Variants in STK32B observed in about 807,000 individuals in gnomAD.
The protein encoded by STK32B is serine/threonine-protein kinase 32B.
A neutral mutation model predicts 52.6 loss-of-function variants in STK32B; 43 were observed. The ratio of observed to expected loss-of-function variants is 0.82; its 90% CI spans 0.64 to 1.05. STK32B has a LOEUF of 1.05. Among genes scored for constraint, STK32B ranks in the 50% least tolerant of loss-of-function variants. The probability of loss-of-function intolerance (pLI) is 0.00; values close to 1 mark genes in which losing one functional copy is unlikely to be tolerated. For missense variants in STK32B, 621 were observed against 534.6 expected, an observed-to-expected ratio of 1.16 and a Z score of -1.59; for synonymous variants, 238 against 204.3, an observed-to-expected ratio of 1.17 and a Z score of -1.41.
intron 3 of STK32B, among the ~76,000 whole-genome samples, chr4:5,264,680 G>A (rs1039029101): frequency 2.6e-5 from 4 of 151,928 alleles, no homozygotes; most frequent in African/African-American, 4.8e-5. Flanking sequence ...CCAGCTGCTC[G>A]GGAGGCTGAG....
At chr4:5,203,743 C>T (rs1382578823) in intron 3 of STK32B, among the ~76,000 whole-genome samples, 3 of 152,220 alleles carry the variant, frequency 2.0e-5, no homozygotes, top group Non-Finnish European at 2.9e-5. Flanking sequence ...AACCCAAATG[C>T]CTCAGATCAT....
chr4:5,050,844 C>T (rs1741738253), upstream of STK32B, among the ~76,000 whole-genome samples: 4 of 152,172 alleles, frequency 2.6e-5, no homozygotes, highest in South Asian at 8.3e-4. Flanking sequence ...TCATGCTAGC[C>T]TCGCCCCTAA....
intron 4 of STK32B, among the ~76,000 whole-genome samples, chr4:5,389,677 C>T (rs879522013): frequency 2.4e-4 from 37 of 152,092 alleles, no homozygotes; most frequent in African/African-American, 8.7e-4. Flanking sequence ...TGGAGGAACA[C>T]GATTCAATCC....
chr4:5,410,256 G>C (rs1315623358), intron 5 of STK32B, among the ~76,000 whole-genome samples: 1 of 152,182 alleles, frequency 6.6e-6, no homozygotes, highest in Non-Finnish European at 1.5e-5. Flanking sequence ...ATCTCTTTTG[G>C]GCTTCAGCTG....
the STK32B span, among the ~76,000 whole-genome samples, chr4:5,035,826 G>T: frequency 6.7e-6 from 1 of 149,686 alleles, no homozygotes; most frequent in Non-Finnish European, 1.5e-5. Flanking sequence ...CTGTCACCCA[G>T]GCTGGAGTGC....
At chr4:5,100,013 A>C (rs78304634) in intron 1 of STK32B, among the ~76,000 whole-genome samples, 1 of 152,138 alleles carries the variant, frequency 6.6e-6, no homozygotes, top group Non-Finnish European at 1.5e-5. Context: ...AAAAAAAAAA[A>C]ACACTGAATA....
chr4:5,093,432 G>C (rs1189127615), intron 1 of STK32B, among the ~76,000 whole-genome samples: 2 of 152,032 alleles, frequency 1.3e-5, no homozygotes, highest in African/African-American at 4.8e-5. Context: ...CAAGTTTTTC[G>C]AGTATCTACT....
chr4:5,258,997 C>T (rs1443506600), intron 3 of STK32B, among the ~76,000 whole-genome samples: 1 of 152,150 alleles, frequency 6.6e-6, no homozygotes, highest in Non-Finnish European at 1.5e-5. Flanking sequence ...TTTTCAGGCA[C>T]CTGCCTTTGA....
intron 3 of STK32B, among the ~76,000 whole-genome samples, chr4:5,247,580 C>G (rs892407062): frequency 6.6e-6 from 1 of 152,158 alleles, no homozygotes; most frequent in Non-Finnish European, 1.5e-5. Context: ...ACCCACTGTC[C>G]TGCACCCACT....
intron 3 of STK32B, among the ~76,000 whole-genome samples, chr4:5,181,013 TG>T: frequency 6.6e-6 from 1 of 151,762 alleles, no homozygotes; most frequent in East Asian, 1.9e-4. Flanking sequence ...GTCCCATGAG[TG>T]GGAGCCCTGG....
chr4:5,307,276 A>C (rs1460684208), intron 3 of STK32B, among the ~76,000 whole-genome samples: 1 of 152,122 alleles, frequency 6.6e-6, no homozygotes, highest in Admixed American at 6.6e-5. Flanking sequence ...AACAAAAATT[A>C]TTCTTAGATT....
intron 4 of STK32B, among the ~76,000 whole-genome samples, chr4:5,336,059 A>G (rs1560330875): frequency 6.7e-6 from 1 of 150,174 alleles, no homozygotes; most frequent in Admixed American, 6.7e-5. Context: ...TAAAATGGAG[A>G]GTGCCTGGGC....
chr4:5,427,145 T>C (rs1261305424), intron 6 of STK32B, among the ~76,000 whole-genome samples: 1 of 152,234 alleles, frequency 6.6e-6, no homozygotes, highest in Non-Finnish European at 1.5e-5. Context: ...TTTCTAAATC[T>C]GTCGAGATAA....
the STK32B span, among the ~76,000 whole-genome samples, chr4:5,027,850 T>G: frequency 6.6e-6 from 1 of 152,146 alleles, no homozygotes; most frequent in African/African-American, 2.4e-5. Flanking sequence ...TCTTTTGCTC[T>G]GGAGTGTGCA....
intron 5 of STK32B, among the ~76,000 whole-genome samples, chr4:5,415,524 C>T (rs535219494): frequency 2.6e-5 from 4 of 152,222 alleles, no homozygotes; most frequent in African/African-American, 7.2e-5. Flanking sequence ...CTGAGGAAGC[C>T]CCAGAGGCTA....
chr4:5,345,781 G>C (rs907516802), intron 4 of STK32B, among the ~76,000 whole-genome samples: 5 of 152,216 alleles, frequency 3.3e-5, no homozygotes, highest in Non-Finnish European at 5.9e-5. Flanking sequence ...CCATAGAATT[G>C]ATCTGCTATC....
the STK32B span, among the ~76,000 whole-genome samples, chr4:5,036,239 CG>C: frequency 2.0e-5 from 3 of 152,138 alleles, no homozygotes; most frequent in Non-Finnish European, 4.4e-5. Flanking sequence ...GCAGTGTGCA[CG>C]GGGACTATGC....
intron 3 of STK32B, among the ~76,000 whole-genome samples, chr4:5,184,178 T>G (rs1720563373): frequency 6.6e-6 from 1 of 152,178 alleles, no homozygotes; most frequent in Admixed American, 6.5e-5. Context: ...TTTCTGGCTT[T>G]TGATTTAAAT....
chr4:5,162,253 C>T (rs563366770), intron 2 of STK32B, among the ~76,000 whole-genome samples: 3 of 152,210 alleles, frequency 2.0e-5, no homozygotes, highest in Admixed American at 6.5e-5. Flanking sequence ...AGACACCGAA[C>T]GAGGACTTTC....
Sources: gnomAD v4.1 joint callset for allele counts (sites outside exome capture counted in the v4.1 genomes callset) on GRCh38, gnomAD v4.1.1 for gene constraint, MANE v1.5 for transcripts, NCBI Gene and HGNC (gene_info 2026-07-23, HGNC 2026-07-21) for gene names.